The following SUMF1 variants were observed in gnomAD, a reference collection of about 807,000 sequenced individuals.
SUMF1 encodes the protein formylglycine-generating enzyme.
SUMF1 carries 48 observed loss-of-function variants against 47.6 expected under a neutral mutation model. The ratio of observed to expected loss-of-function variants is 1.01; its 90% confidence interval spans 0.80 to 1.28. The LOEUF is 1.28. Ranked by LOEUF, SUMF1 falls within the 50% of genes most tolerant of loss-of-function variation. The pLI is 0.00. For synonymous variants in SUMF1, 230 were observed against 192.1 expected (o/e 1.20, Z -1.63); for missense variants, 571 against 485.4 (o/e 1.18, Z -1.66).
intron 8 of SUMF1, among the ~76,000 whole-genome samples, chr3:4,297,927 A>G (rs1373514375): frequency 1.3e-5 from 2 of 152,188 alleles, no homozygotes; most frequent in Non-Finnish European, 1.5e-5. Context: ...AAACACCCCA[A>G]TTAAAGACCA....
intron 3 of SUMF1, among the ~76,000 whole-genome samples, chr3:4,428,861 A>T (rs1017274518): frequency 8.5e-5 from 13 of 152,242 alleles, no homozygotes; most frequent in African/African-American, 3.1e-4. Context: ...TTCCAGCTTC[A>T]TCAGTAAGCA....
intron 5 of SUMF1, 57 bp from the exon 6 acceptor site, chr3:4,417,299 G>A: frequency 7.0e-7 from 1 of 1,424,018 alleles, no homozygotes; most frequent in South Asian, 1.1e-5. Flanking sequence ...TTGGATGAAA[G>A]TCAAGAGAAG....
chr3:4,222,553 C>T (rs535972756), intron 8 of SUMF1, among the ~76,000 whole-genome samples: 1 of 152,034 alleles, frequency 6.6e-6, no homozygotes, highest in Non-Finnish European at 1.5e-5. Context: ...TTGTGAGTTA[C>T]TCCCCTCAGC....
At chr3:4,464,457 G>A (rs2079891152) in intron 1 of SUMF1, among the ~76,000 whole-genome samples, 1 of 152,032 alleles carries the variant, frequency 6.6e-6, no homozygotes, top group Non-Finnish European at 1.5e-5. Flanking sequence ...ACCTACCAGA[G>A]TGTAAATGCC....
intron 8 of SUMF1, among the ~76,000 whole-genome samples, chr3:4,190,179 C>G (rs943651371): frequency 3.4e-5 from 5 of 148,860 alleles, no homozygotes; most frequent in African/African-American, 1.2e-4. Context: ...ACTAAGAAGA[C>G]TTATGGAGAG....
chr3:4,035,047 C>T lies in SUMF1; in HGVS notation c.1191+33522G>A, dbSNP rs115857058. Among the ~76,000 whole-genome samples, 735 of 152,008 alleles carry T rather than the reference C, an allele frequency of 4.8e-3. 7 individuals are homozygous for T. Among genetic ancestry groups the T allele is most frequent in the African/African-American group, 0.012 (487 of 41,460 alleles). On this transcript the variant is annotated intron_variant and NMD_transcript_variant, in intron 9 of 12. Transcript: ENST00000448413. Reference sequence around the variant, plus strand: ...GGTCCTCAAAGACTGTGAGTAAAGACGTCAGAAAATCAGTCCAGCTGGAGG... The same window carrying T: ...GGTCCTCAAAGACTGTGAGTAAAGATGTCAGAAAATCAGTCCAGCTGGAGG...
intron 8 of SUMF1, among the ~76,000 whole-genome samples, chr3:4,265,592 T>A (rs1014790812): frequency 4.6e-5 from 7 of 152,212 alleles, no homozygotes; most frequent in African/African-American, 1.4e-4. Flanking sequence ...CAATTTCTTG[T>A]AAATTTGTTT....
chr3:4,125,771 C>A (rs189480406), intron 8 of SUMF1, among the ~76,000 whole-genome samples: 1 of 152,150 alleles, frequency 6.6e-6, no homozygotes, highest in Non-Finnish European at 1.5e-5. Flanking sequence ...ACTTCCTGGG[C>A]TCAAGCAATC....
At chr3:4,418,213 A>G in intron 4 of SUMF1, 81 bp from the exon 5 acceptor site, 1 of 1,591,620 alleles carries the variant, frequency 6.3e-7, no homozygotes, top group Non-Finnish European at 8.6e-7. Context: ...AGCGCCCATA[A>G]TCCCCCTCAG....
intron 3 of SUMF1, among the ~76,000 whole-genome samples, chr3:4,430,414 G>A (rs1049812547): frequency 1.3e-5 from 2 of 152,154 alleles, no homozygotes; most frequent in Middle Eastern, 3.4e-3. Flanking sequence ...AATGTTGGTT[G>A]GACAAGTGAC....
intron 3 of SUMF1, among the ~76,000 whole-genome samples, chr3:4,448,182 C>G (rs917120030): frequency 1.3e-5 from 2 of 152,138 alleles, no homozygotes; most frequent in Non-Finnish European, 2.9e-5. Context: ...AAAAGTGGCT[C>G]AATTCACCTA....
chr3:4,166,905 C>G (rs1004095067), intron 8 of SUMF1, among the ~76,000 whole-genome samples: 3 of 152,090 alleles, frequency 2.0e-5, no homozygotes, highest in Non-Finnish European at 4.4e-5. Flanking sequence ...AGCCCTTTCC[C>G]AGAAAGGCTG....
chr3:4,062,215 C>T (rs1695288923), intron 9 of SUMF1, among the ~76,000 whole-genome samples: 1 of 152,150 alleles, frequency 6.6e-6, no homozygotes, highest in South Asian at 2.1e-4. Context: ...TCTCACTGTG[C>T]TTGCTTTCAA....
chr3:4,463,991 T>G (rs1187317989), intron 1 of SUMF1, among the ~76,000 whole-genome samples: 1 of 152,206 alleles, frequency 6.6e-6, no homozygotes. Context: ...GAAAATTTCT[T>G]GAGGGCAAAG....
chr3:4,091,425 G>A (rs1574874303), intron 8 of SUMF1, among the ~76,000 whole-genome samples: 1 of 152,084 alleles, frequency 6.6e-6, no homozygotes, highest in African/African-American at 2.4e-5. Context: ...GGGTGTACGT[G>A]CATCTATGCA....
intron 8 of SUMF1, among the ~76,000 whole-genome samples, chr3:4,259,691 C>G (rs1697042967): frequency 6.6e-6 from 1 of 152,156 alleles, no homozygotes; most frequent in East Asian, 1.9e-4. Context: ...GTATTCAACT[C>G]TCTTTGCCTA....
intron 8 of SUMF1, among the ~76,000 whole-genome samples, chr3:4,319,493 GT>G (rs1698775437): frequency 1.3e-5 from 2 of 152,190 alleles, no homozygotes; most frequent in South Asian, 4.1e-4. Context: ...TTATTTCGAT[GT>G]GGTGATCTGG....
rs544552311 is a variant in SUMF1, at chr3:4,340,446, T to C, written c.1014+35884A>G. On this transcript the variant is annotated intron_variant and NMD_transcript_variant, in intron 8 of 12. Coordinates refer to the SUMF1 transcript ENST00000448413. ...AGTTTATGGTCTTCATGAAAGTAAATGGAAAGCCACTGCTGGAATCTGAGC... is the reference window on the plus strand; with the variant it reads ...AGTTTATGGTCTTCATGAAAGTAAACGGAAAGCCACTGCTGGAATCTGAGC... Among the ~76,000 whole-genome samples the C allele has an allele frequency of 3.9e-5, 6 of 152,252 alleles. No homozygotes were observed. The South Asian group carries it at 1.2e-3, about 32-fold the overall frequency.
chr3:4,313,995 T>TAA (rs1255688800), intron 8 of SUMF1: 13 of 706,536 alleles, frequency 1.8e-5, no homozygotes, highest in Non-Finnish European at 2.9e-5. Context: ...CTGTTCTAGT[T>TAA]AATAGGATAT....
Sources: gnomAD v4.1 joint callset for allele counts (sites outside exome capture counted in the v4.1 genomes callset) on GRCh38, gnomAD v4.1.1 for gene constraint, MANE v1.5 for transcripts, NCBI Gene and HGNC (gene_info 2026-07-23, HGNC 2026-07-21) for gene names.